The following TENM3 variants were observed in gnomAD, a reference collection of about 807,000 sequenced individuals.
The protein encoded by TENM3 is teneurin-3.
In TENM3, 63 loss-of-function variants were observed where a neutral mutation model predicts 255.1. The ratio of observed to expected loss-of-function variants is 0.25; its 90% CI spans 0.20 to 0.30. The LOEUF is 0.30. Ranked by LOEUF, TENM3 falls within the 10% of genes least tolerant of loss-of-function variation. The pLI, the probability that TENM3 is intolerant of heterozygous loss-of-function variation, is 1.00. For synonymous variants in TENM3, 1,306 were observed against 1,322.3 expected (o/e 0.99, Z 0.27); for missense variants, 2,929 against 3,461.1 (o/e 0.85, Z 3.86).
intron 1 of TENM3, among the ~76,000 whole-genome samples, chr4:182,321,023 T>C (rs1047223700): frequency 6.6e-6 from 1 of 152,224 alleles, no homozygotes; most frequent in African/African-American, 2.4e-5. Flanking sequence ...GAAACTTTTA[T>C]AATGACTTCA....
chr4:182,549,428 T>G (rs1179117168), intron 3 of TENM3, among the ~76,000 whole-genome samples: 2 of 151,512 alleles, frequency 1.3e-5, no homozygotes, highest in Non-Finnish European at 3.0e-5. Flanking sequence ...AAAGAGTGTG[T>G]TGTTTGAGTT....
intron 3 of TENM3, among the ~76,000 whole-genome samples, chr4:182,528,304 G>A (rs981889478): frequency 2.6e-5 from 4 of 152,016 alleles, no homozygotes; most frequent in Admixed American, 2.6e-4. Flanking sequence ...TTTTAGTAGA[G>A]ACAGGGTTTC....
chr4:182,099,317 A>T, the TENM3 span, among the ~76,000 whole-genome samples: 1 of 152,120 alleles, frequency 6.6e-6, no homozygotes, highest in Non-Finnish European at 1.5e-5. Flanking sequence ...AAAATTAATT[A>T]AAAACACTTC....
intron 12 of TENM3, among the ~76,000 whole-genome samples, chr4:182,710,427 G>A (rs567526475): frequency 6.6e-6 from 1 of 152,250 alleles, no homozygotes; most frequent in Admixed American, 6.5e-5. Flanking sequence ...TTTCAGAGTA[G>A]CACCTAACAC....
the TENM3 span, among the ~76,000 whole-genome samples, chr4:181,558,460 G>T: frequency 0.58 from 88,624 of 152,072 alleles, 26,209 homozygotes; most frequent in Middle Eastern, 0.66. Flanking sequence ...GGGTAATAAA[G>T]TAGTATATGA....
At chr4:182,412,162 G>T (rs1464986185) in intron 3 of TENM3, among the ~76,000 whole-genome samples, 2 of 152,138 alleles carry the variant, frequency 1.3e-5, no homozygotes, top group Non-Finnish European at 2.9e-5. Flanking sequence ...GGTATCTGGG[G>T]TTGGCTGGCT....
chr4:182,744,463 C>T (rs749247081), intron 19 of TENM3, among the ~76,000 whole-genome samples: 24 of 151,888 alleles, frequency 1.6e-4, no homozygotes, highest in South Asian at 6.2e-4. Context: ...AGTTACTGAC[C>T]GACACAATCT....
At chr4:182,354,634 A>T (rs2150728597) in intron 3 of TENM3, among the ~76,000 whole-genome samples, 1 of 152,296 alleles carries the variant, frequency 6.6e-6, no homozygotes, top group Admixed American at 6.5e-5. Flanking sequence ...CTTGTACATT[A>T]TTTACTGAAT....
At chr4:181,888,293 A>C in the TENM3 span, among the ~76,000 whole-genome samples, 11 of 151,404 alleles carry the variant, frequency 7.3e-5, 1 homozygote, top group Admixed American at 6.6e-4. Context: ...GGCCTCCCAA[A>C]GTGCTAGGGT....
At chr4:181,502,072 G>A in the TENM3 span, among the ~76,000 whole-genome samples, 2 of 152,206 alleles carry the variant, frequency 1.3e-5, no homozygotes, top group Non-Finnish European at 1.5e-5. Context: ...GAGTCAAGGA[G>A]TGACTGTATT....
chr4:182,618,796 T>G (rs573461200), intron 4 of TENM3, among the ~76,000 whole-genome samples: 1 of 152,292 alleles, frequency 6.6e-6, no homozygotes, highest in Non-Finnish European at 1.5e-5. Context: ...ATGTTATTTT[T>G]GCCTCTTCTT....
the TENM3 span, among the ~76,000 whole-genome samples, chr4:181,841,030 AG>A: frequency 6.6e-6 from 1 of 152,136 alleles, no homozygotes; most frequent in Non-Finnish European, 1.5e-5. Context: ...GTAGGTTAAT[AG>A]GCATTTTAGT....
chr4:181,492,598 A>G, the TENM3 span, among the ~76,000 whole-genome samples: 7 of 152,218 alleles, frequency 4.6e-5, no homozygotes, highest in Non-Finnish European at 8.8e-5. Context: ...GATAAAAATT[A>G]TGATTTCCAT....
At chr4:181,470,536 G>A in the TENM3 span, among the ~76,000 whole-genome samples, 11 of 152,068 alleles carry the variant, frequency 7.2e-5, no homozygotes, top group East Asian at 3.9e-4. Context: ...TTCTCACTCC[G>A]AGAGCAGCAC....
chr4:182,042,067 G>A, the TENM3 span, among the ~76,000 whole-genome samples: 5 of 152,168 alleles, frequency 3.3e-5, no homozygotes, highest in Admixed American at 3.3e-4. Flanking sequence ...ATTATAGAGT[G>A]TGTATGGTGT....
chr4:182,005,389 T>A, the TENM3 span, among the ~76,000 whole-genome samples: 2 of 152,118 alleles, frequency 1.3e-5, no homozygotes, highest in Non-Finnish European at 1.5e-5. Context: ...AGATGTGTGG[T>A]GTTATTTCTG....
intron 3 of TENM3, among the ~76,000 whole-genome samples, chr4:182,426,090 C>T (rs1392254563): frequency 1.3e-5 from 2 of 150,216 alleles, no homozygotes; most frequent in African/African-American, 2.5e-5. Context: ...TGCATTTCTT[C>T]CCAAAACGTT....
At chr4:182,469,864 T>A (rs1013558005) in intron 3 of TENM3, among the ~76,000 whole-genome samples, 14 of 152,230 alleles carry the variant, frequency 9.2e-5, no homozygotes, top group African/African-American at 3.1e-4. Context: ...TGTAAAATCC[T>A]GTTTTATAAC....
the TENM3 span, among the ~76,000 whole-genome samples, chr4:181,693,644 G>T: frequency 6.6e-6 from 1 of 152,158 alleles, no homozygotes; most frequent in Non-Finnish European, 1.5e-5. Flanking sequence ...GGATCCTTGA[G>T]TAGAGTTCTG....
Sources: gnomAD v4.1 joint callset for allele counts (sites outside exome capture counted in the v4.1 genomes callset) on GRCh38, gnomAD v4.1.1 for gene constraint, MANE v1.5 for transcripts, NCBI Gene and HGNC (gene_info 2026-07-23, HGNC 2026-07-21) for gene names.